The following ITGAV variants were observed in gnomAD, a reference collection of about 807,000 sequenced individuals.
ITGAV encodes the protein integrin subunit alpha V.
Under a neutral mutation model 143.8 loss-of-function variants are expected in ITGAV, and 76 were observed. The ratio of observed to expected loss-of-function variants is 0.53; its 90% CI spans 0.44 to 0.64. ITGAV has a LOEUF of 0.64. Ranked by LOEUF, ITGAV falls within the 30% of genes least tolerant of loss-of-function variation. The pLI, the probability that ITGAV is intolerant of heterozygous loss-of-function variation, is 0.00. For synonymous variants in ITGAV, 453 were observed against 446.7 expected, an observed-to-expected ratio of 1.01 and a Z score of -0.18; for missense variants, 1,193 against 1,274.7, an observed-to-expected ratio of 0.94 and a Z score of 0.98.
intron 1 of ITGAV, among the ~76,000 whole-genome samples, chr2:186,598,726 A>G (rs1686817388): frequency 1.3e-5 from 2 of 151,936 alleles, no homozygotes; most frequent in African/African-American, 4.8e-5. Context: ...ACTGTGCCCA[A>G]CCTCTTTTTT....
chr2:186,605,538 A>G (rs1687034737), intron 2 of ITGAV, among the ~76,000 whole-genome samples: 1 of 151,868 alleles, frequency 6.6e-6, no homozygotes, highest in Non-Finnish European at 1.5e-5. Flanking sequence ...ATTTGTTTTT[A>G]GTGAATGTCT....
intron 18 of ITGAV, among the ~76,000 whole-genome samples, chr2:186,659,742 T>C (rs1420495637): frequency 4.0e-5 from 6 of 151,734 alleles, no homozygotes; most frequent in African/African-American, 1.4e-4. Context: ...CTAAATTTAG[T>C]TTATCATTTT....
At position 186,636,158 on chromosome 2, in the gene ITGAV, C is replaced by G. The variant is rs150746738; in HGVS notation, c.708C>G (p.Asn236Lys). ...DPNVYSIKYN[N>K]QLATRTAQAI... is the part of the protein sequence containing the mutation. ...ATGTTTACAGCATCAAGTATAATAACCAATTAGCAACTCGGACTGCACAAG... is the reference window on the plus strand; with the variant it reads ...ATGTTTACAGCATCAAGTATAATAAGCAATTAGCAACTCGGACTGCACAAG... The change falls in exon 7 of 30, where the codon AAC becomes AAG. Residue 236 changes from asparagine (N) to lysine (K), a missense_variant. Physicochemically the swap from Asn to Lys is moderately conservative, Grantham distance 94. Transcript: ENST00000261023. The G allele has an allele frequency of 1.2e-6, 2 of 1,612,884 alleles. No homozygotes were observed. The highest frequency in any genetic ancestry group is 8.5e-7 in the Non-Finnish European group (1 of 1,179,474).
At chr2:186,661,222 G>C (rs1037484015) in intron 18 of ITGAV, among the ~76,000 whole-genome samples, 1 of 152,022 alleles carries the variant, frequency 6.6e-6, no homozygotes, top group Non-Finnish European at 1.5e-5. Flanking sequence ...CAAATATTTA[G>C]GTTTTATTAG....
rs974511147 is a variant in ITGAV, at chr2:186,624,400, G to T, written c.409-1073G>T. Among the ~76,000 whole-genome samples the T allele has an allele frequency of 2.0e-5, 3 of 152,072 alleles. No individual in the cohort carries two copies. The East Asian group carries it at 5.8e-4, about 29-fold the overall frequency. On this transcript the variant is annotated intron_variant, in intron 3 of 29. Coordinates refer to ENST00000261023, the MANE Select transcript of ITGAV (RefSeq NM_002210.5). The stretch of plus-strand genomic sequence containing the variant: ...AGGATGTGCCACATTTCAGCAATTG[G>T]AGGTGAAGGATGGGGTTAAGAGTGG...
Position 186,590,295 on chromosome 2 carries a change from G to T in ITGAV, c.-44G>T. 2 of 1,464,186 alleles carry T rather than the reference G, an allele frequency of 1.4e-6. No homozygotes were observed. The highest frequency in any genetic ancestry group is 1.8e-6 in the Non-Finnish European group (2 of 1,107,886). The allele number at this position is 1,464,186 out of a possible 1,614,324, so 90.7% of individuals were successfully genotyped here. ...TGGGCGCCTCGCTGGGGCGGGGGGA[G>T]GTGGCTACCGCTCCCGGCTTGGCGT... On this transcript the variant is annotated 5_prime_UTR_variant, in exon 1 of 30. In the 5' UTR this introduces an upstream ATG that the reference lacks. Transcript: ENST00000261023.
intron 21 of ITGAV, among the ~76,000 whole-genome samples, 173 bp from the exon 22 acceptor site, chr2:186,666,531 T>C (rs1688901974): frequency 6.6e-6 from 1 of 152,208 alleles, no homozygotes; most frequent in African/African-American, 2.4e-5. Flanking sequence ...TTGGTCCAGG[T>C]ATATTAAGTA....
At chr2:186,625,675 G>A in intron 4 of ITGAV, 88 bp downstream of exon 4, 2 of 566,828 alleles carry the variant, frequency 3.5e-6, no homozygotes, top group African/African-American at 2.1e-5. Context: ...GTGTGTGTGT[G>A]TGTGAGAGAG....
intron 7 of ITGAV, 62 bp downstream of exon 7, chr2:186,636,269 A>G (rs1045638313): frequency 7.6e-6 from 10 of 1,319,970 alleles, no homozygotes; most frequent in African/African-American, 7.5e-5. Context: ...ATATCTGAGT[A>G]TGGTCTTTTA....
chr2:186,621,700 A>G (rs922053640), intron 2 of ITGAV, among the ~76,000 whole-genome samples: 1 of 152,168 alleles, frequency 6.6e-6, no homozygotes, highest in African/African-American at 2.4e-5. Context: ...GTAAACTTAT[A>G]TTGGTAAGAA....
chr2:186,667,841 C>G, intron 24 of ITGAV, 65 bp downstream of exon 24: 3 of 941,216 alleles, frequency 3.2e-6, no homozygotes, highest in Non-Finnish European at 4.7e-6. Flanking sequence ...AACAACTAAG[C>G]TACTTTAAAA....
chr2:186,651,556 T>A (rs1430088432), intron 14 of ITGAV, among the ~76,000 whole-genome samples: 1 of 152,228 alleles, frequency 6.6e-6, no homozygotes, highest in East Asian at 1.9e-4. Context: ...TGTATATCAG[T>A]AGACATTCTT....
chr2:186,639,652 G>A (rs917886546), intron 10 of ITGAV, among the ~76,000 whole-genome samples: 1 of 152,066 alleles, frequency 6.6e-6, no homozygotes, highest in African/African-American at 2.4e-5. Context: ...GACAAACCTG[G>A]GTTTTCCATG....
chr2:186,641,596 C>A lies in ITGAV; in HGVS notation c.1159+8C>A. ...ACCAGGATGGTTTCAATGGTAAGAT[C>A]AAAGTTTAGCAGCTACAGGTCCCTG... On this transcript the variant is annotated splice_region_variant and intron_variant, in intron 12 of 29. Coordinates refer to ENST00000261023, the MANE Select transcript of ITGAV (RefSeq NM_002210.5). 1.9e-6 allele frequency: 3 copies of A among 1,610,944 alleles called. No homozygotes were observed. The highest frequency in any genetic ancestry group is 1.1e-5 in the South Asian group (1 of 90,990).
intron 1 of ITGAV, among the ~76,000 whole-genome samples, chr2:186,591,345 T>C (rs1458342126): frequency 6.6e-6 from 1 of 152,226 alleles, no homozygotes; most frequent in Non-Finnish European, 1.5e-5. Context: ...TGTTAGAAAT[T>C]GTCTCCGACT....
In ITGAV at chr2:186,676,764, A is replaced by T. The variant is rs1443054565; in HGVS notation, c.2929-49A>T. 5 of 1,569,628 alleles carry T rather than the reference A, an allele frequency of 3.2e-6. 1 individual carries two copies. Among genetic ancestry groups the T allele is most frequent in the Non-Finnish European group, 4.3e-6 (5 of 1,153,384 alleles). ...ATAATATTTACTCAGATATTTGTTG[A>T]TTAAGTCAATGGACTGTTTTTAAAA... On this transcript the variant is annotated intron_variant, in intron 28 of 29. Coordinates refer to ENST00000261023, the MANE Select transcript of ITGAV (RefSeq NM_002210.5).
intron 6 of ITGAV, among the ~76,000 whole-genome samples, chr2:186,635,413 C>T (rs961266802): frequency 3.3e-5 from 5 of 152,216 alleles, no homozygotes; most frequent in African/African-American, 4.8e-5. Flanking sequence ...GAAAGTGCTT[C>T]TGTGCTGTAG....
At chr2:186,612,678 T>C (rs906262367) in intron 2 of ITGAV, among the ~76,000 whole-genome samples, 16 of 152,336 alleles carry the variant, frequency 1.1e-4, no homozygotes, top group African/African-American at 3.6e-4. Flanking sequence ...GCTTCTGCAG[T>C]ACAATTTCCA....
chr2:186,646,239 T>A (rs1333071160), intron 12 of ITGAV, among the ~76,000 whole-genome samples: 1 of 152,110 alleles, frequency 6.6e-6, no homozygotes, highest in Non-Finnish European at 1.5e-5. Flanking sequence ...GAAAAAACAA[T>A]ACCATCCATA....
Sources: gnomAD v4.1 joint callset for allele counts (sites outside exome capture counted in the v4.1 genomes callset) on GRCh38, gnomAD v4.1.1 for gene constraint, MANE v1.5 for transcripts, NCBI Gene and HGNC (gene_info 2026-07-23, HGNC 2026-07-21) for gene names.